Variants in MAP3K20 observed in about 807,000 individuals in gnomAD.
The protein encoded by MAP3K20 is mitogen-activated protein kinase kinase kinase 20.
Under a neutral mutation model 85.7 loss-of-function variants are expected in MAP3K20, and 40 were observed. The ratio of observed to expected loss-of-function variants is 0.47; its 90% CI spans 0.36 to 0.61. MAP3K20 has a LOEUF of 0.61. Ranked by LOEUF, MAP3K20 falls within the 20% of genes least tolerant of loss-of-function variation. The pLI, the probability that MAP3K20 is intolerant of heterozygous loss-of-function variation, is 0.00. For missense variants in MAP3K20, 817 were observed against 961.7 expected, an observed-to-expected ratio of 0.85 and a Z score of 1.99; for synonymous variants, 325 against 327.7, an observed-to-expected ratio of 0.99 and a Z score of 0.09.
chr2:173,187,719 C>G, intron 5 of MAP3K20, 96 bp downstream of exon 5: 1 of 1,113,058 alleles, frequency 9.0e-7, no homozygotes, highest in Non-Finnish European at 1.3e-6. Flanking sequence ...TCTTTTGTAA[C>G]CTACTATTGG....
At position 173,266,486 on chromosome 2, in the gene MAP3K20, G is replaced by C. The variant is rs769318639; in HGVS notation, c.2139G>C (p.Lys713Asn). 6 of 1,614,018 alleles carry C rather than the reference G, an allele frequency of 3.7e-6. No individual in the cohort carries two copies. The South Asian group carries it at 6.6e-5, about 18-fold the overall frequency. ...CTTCAAGAGGAAGATACCCTGGAAA[G>C]TTCTACAGGGTTTCTCAGTCAGCAC... The part of the protein sequence containing the change: ...STPSRGRYPG[K>N]FYRVSQSALN... Residue 713 changes from lysine (K) to asparagine (N), a missense_variant, in exon 20 of 20, where the codon AAG (lysine) becomes AAC (asparagine). Lys to Asn is a moderately conservative substitution (Grantham distance 94). Around this residue, in one of 4 missense-constraint regions of MAP3K20, gnomAD observed 454 missense variants for 476.9 expected, o/e 0.95. Transcript: ENST00000375213.
At chr2:173,202,058 T>A (rs775520252) in intron 8 of MAP3K20, among the ~76,000 whole-genome samples, 5 of 152,276 alleles carry the variant, frequency 3.3e-5, no homozygotes, top group Admixed American at 6.5e-5. Flanking sequence ...AGTTACAGAG[T>A]ACATTCAAGT....
intron 18 of MAP3K20, among the ~76,000 whole-genome samples, chr2:173,261,478 T>A (rs1389900621): frequency 6.6e-6 from 1 of 152,188 alleles, no homozygotes; most frequent in Non-Finnish European, 1.5e-5. Flanking sequence ...AAGATCTTCA[T>A]GGCTGGTAGG....
intron 2 of MAP3K20, chr2:173,166,685 T>G (rs1440268243): frequency 6.6e-6 from 1 of 152,208 alleles, no homozygotes; most frequent in Non-Finnish European, 1.5e-5. Context: ...TATGTTGGTT[T>G]TAATAGTGTA....
At chr2:173,235,379 C>T (rs1429731893) in intron 14 of MAP3K20, among the ~76,000 whole-genome samples, 2 of 152,150 alleles carry the variant, frequency 1.3e-5, no homozygotes, top group African/African-American at 4.8e-5. Flanking sequence ...CAACTGTTAT[C>T]CCCCACCTGG....
chr2:173,145,237 A>T (rs943801752), intron 2 of MAP3K20, among the ~76,000 whole-genome samples: 2 of 151,938 alleles, frequency 1.3e-5, no homozygotes, highest in South Asian at 4.2e-4. Context: ...ACAGAGCAAG[A>T]CTCCGTCTCA....
chr2:173,123,324 T>C (rs1688351757), intron 2 of MAP3K20, among the ~76,000 whole-genome samples: 1 of 152,198 alleles, frequency 6.6e-6, no homozygotes, highest in Non-Finnish European at 1.5e-5. Context: ...TCTAACACCA[T>C]GGGTACCTAC....
chr2:173,262,746 A>T (rs16861463), intron 18 of MAP3K20, among the ~76,000 whole-genome samples: 1 of 152,182 alleles, frequency 6.6e-6, no homozygotes, highest in African/African-American at 2.4e-5. Flanking sequence ...CTGAGAAGTT[A>T]TATTACTTGT....
chr2:173,168,780 CCAT>C (rs1252841149), intron 2 of MAP3K20, among the ~76,000 whole-genome samples: 28 of 151,980 alleles, frequency 1.8e-4, no homozygotes, highest in African/African-American at 5.6e-4. Context: ...TATTTTATCT[CCAT>C]AAAAGTCATA....
intron 16 of MAP3K20, 138 bp from the exon 17 acceptor site, chr2:173,258,561 C>T: frequency 1.7e-6 from 1 of 575,774 alleles, no homozygotes; most frequent in African/African-American, 2.2e-5. Flanking sequence ...ATTTCATGTC[C>T]TTTTATTGAA....
chr2:173,179,934 A>G (rs1690277177), intron 3 of MAP3K20, among the ~76,000 whole-genome samples: 1 of 152,264 alleles, frequency 6.6e-6, no homozygotes, highest in Non-Finnish European at 1.5e-5. Context: ...TAAGACTTGT[A>G]CAATGAAAAG....
At chr2:173,150,356 T>C (rs1173402154) in intron 2 of MAP3K20, among the ~76,000 whole-genome samples, 2 of 150,616 alleles carry the variant, frequency 1.3e-5, no homozygotes, top group African/African-American at 5.0e-5. Flanking sequence ...CTGACCTGAC[T>C]ATGCAGGATG....
chr2:173,238,241 C>T (rs896698203), intron 14 of MAP3K20, 132 bp from the exon 15 acceptor site: 3 of 712,842 alleles, frequency 4.2e-6, no homozygotes, highest in Admixed American at 5.9e-5. Context: ...TCTAAATAGA[C>T]GTTGGATATA....
At chr2:173,241,029 A>C (rs1017135593) in intron 16 of MAP3K20, among the ~76,000 whole-genome samples, 2 of 152,230 alleles carry the variant, frequency 1.3e-5, no homozygotes, top group East Asian at 3.8e-4. Context: ...ACGGAAGCTA[A>C]AAATTAAAAC....
At chr2:173,221,809 A>C (rs1252132487) in intron 11 of MAP3K20, 1 of 1,080,032 alleles carries the variant, frequency 9.3e-7, no homozygotes, top group Non-Finnish European at 1.1e-6. Context: ...AGGACTTTTA[A>C]AGTTGTGACA....
chr2:173,241,389 G>A (rs933052529), intron 16 of MAP3K20, among the ~76,000 whole-genome samples: 1 of 152,128 alleles, frequency 6.6e-6, no homozygotes, highest in Non-Finnish European at 1.5e-5. Context: ...GAGGCTGGGG[G>A]ATCGCTTGAG....
intron 1 of MAP3K20, among the ~76,000 whole-genome samples, chr2:173,084,377 C>T (rs1167837213): frequency 6.8e-6 from 1 of 146,918 alleles, no homozygotes; most frequent in Non-Finnish European, 1.5e-5. Context: ...AAAGTGAGTG[C>T]TATCATTGAA....
chr2:173,115,670 G>A (rs1688100089), intron 2 of MAP3K20, among the ~76,000 whole-genome samples: 1 of 152,130 alleles, frequency 6.6e-6, no homozygotes, highest in African/African-American at 2.4e-5. Context: ...AAACTGCAGT[G>A]ATTGTTGTCC....
chr2:173,119,743 A>G (rs532867863), intron 2 of MAP3K20, among the ~76,000 whole-genome samples: 10 of 152,280 alleles, frequency 6.6e-5, no homozygotes, highest in African/African-American at 2.4e-4. Context: ...TTTTTCACCT[A>G]TGATGAAGGT....
Sources: allele counts gnomAD v4.1 joint callset (sites outside exome capture counted in the v4.1 genomes callset), GRCh38; gene constraint gnomAD v4.1.1; regional missense constraint gnomAD v4.1.1; transcripts MANE v1.5; gene names NCBI Gene and HGNC (gene_info 2026-07-23, HGNC 2026-07-21).